ACSS1: variants seen among roughly 807,000 people sequenced by gnomAD.
ACSS1 encodes the protein acyl-CoA synthetase short chain family member 1.
ACSS1 carries 42 observed loss-of-function variants against 75.3 expected under a neutral mutation model. That is an observed-to-expected ratio of 0.56 (90% CI 0.44 to 0.72). ACSS1 has a LOEUF of 0.72. Ranked by LOEUF, ACSS1 falls within the 30% of genes least tolerant of loss-of-function variation. ACSS1 has a pLI of 0.00. For synonymous variants in ACSS1, 380 were observed against 376.8 expected, an observed-to-expected ratio of 1.01 and a Z score of -0.10; for missense variants, 782 against 935.7, an observed-to-expected ratio of 0.84 and a Z score of 2.14.
intron 2 of ACSS1, among the ~76,000 whole-genome samples, chr20:25,036,983 GAAAAAGAAA>G (rs1486651993): frequency 9.4e-5 from 10 of 105,906 alleles, no homozygotes; most frequent in African/African-American, 3.1e-4. Flanking sequence ...AAGAAAGAAA[GAAAAAGAAA>G]GAAAGAAGAA....
Position 25,020,375 on chromosome 20 carries a change from G to A in ACSS1, c.1109-228C>T, listed in dbSNP as rs377601580. On this transcript the variant is annotated intron_variant, in intron 6 of 13. Transcript: ENST00000323482. ...CCAAGCACTCCCCAGATCCATGGGC[G>A]GCACATTCAGGAACAGTCTTCACCA... Among the ~76,000 whole-genome samples the A allele has an allele frequency of 5.9e-4, 90 of 151,732 alleles. 1 individual carries two copies. The South Asian group carries it at 0.018, about 30-fold the overall frequency.
intron 3 of ACSS1, among the ~76,000 whole-genome samples, chr20:25,030,526 G>A (rs543868515): frequency 1.9e-4 from 29 of 152,318 alleles, no homozygotes; most frequent in Middle Eastern, 6.8e-3. Flanking sequence ...TGCCTCTGCT[G>A]TTCCCTCCAA....
rs1482020523 is a variant in ACSS1, at chr20:25,013,484, A to T, written c.1579+52T>A. On this transcript the variant is annotated intron_variant, in intron 10 of 13. Transcript: ENST00000323482. Reference sequence around the variant, plus strand: ...ATTAAAAATGTTTTCTGAGAATAAGATTCCAGCAGTCAGCTGAAAAGGAAT... The same window carrying T: ...ATTAAAAATGTTTTCTGAGAATAAGTTTCCAGCAGTCAGCTGAAAAGGAAT... 3.9e-6 allele frequency: 6 copies of T among 1,545,520 alleles called. No individual in the cohort carries two copies. In the African/African-American group the frequency reaches 5.5e-5, roughly 14 times the overall value.
At chr20:25,014,847 G>A (rs1316098223) in intron 8 of ACSS1, among the ~76,000 whole-genome samples, 2 of 152,338 alleles carry the variant, frequency 1.3e-5, no homozygotes, top group Admixed American at 6.5e-5. Flanking sequence ...GCAGCAAGCT[G>A]AGCTGTGTCA....
chr20:25,030,817 G>T lies in ACSS1; in HGVS notation c.573C>A (p.Val191=), dbSNP rs2122684495. The change falls in exon 3 of 14, where the codon GTC becomes GTA. Residue 191 remains valine, a synonymous_variant. Coordinates refer to ENST00000323482, the MANE Select transcript of ACSS1 (RefSeq NM_032501.4). Reference sequence around the variant, plus strand: ...TGAAGCCAGCAAAGATGACTGTGTGGACAGCTCCGATCCTGGCACAGGCCA... The same window carrying T: ...TGAAGCCAGCAAAGATGACTGTGTGTACAGCTCCGATCCTGGCACAGGCCA... The part of the protein sequence containing the change: ...AMLACARIGA[V]HTVIFAGFSA... 1 of 1,614,228 alleles carries T rather than the reference G, an allele frequency of 6.2e-7. No homozygotes were observed. Among genetic ancestry groups the T allele is most frequent in the Non-Finnish European group, 8.5e-7 (1 of 1,180,044 alleles).
intron 1 of ACSS1, among the ~76,000 whole-genome samples, chr20:25,057,516 G>A (rs2089259491): frequency 6.6e-6 from 1 of 152,196 alleles, no homozygotes; most frequent in African/African-American, 2.4e-5. Context: ...GCAGCGGGGC[G>A]TCCCAAGCGG....
rs1274182488 is a variant in ACSS1, at chr20:25,022,994, C to T, written c.906G>A (p.Lys302=). Residue 302 remains lysine (K), a synonymous_variant, in exon 5 of 14, where the codon AAG becomes AAA. Transcript: ENST00000323482. ...AGCCTGCCTGGGTATGGACGATGCC[C>T]TTGGGCATTCCGGTGCTCCCTGAGG... is the stretch of plus-strand genomic sequence containing the variant. ...LYTSGSTGMP[K]GIVHTQAGYL... is the part of the protein sequence containing the mutation. 1.2e-6 allele frequency: 2 copies of T among 1,614,124 alleles called. No homozygotes were observed. The highest frequency in any genetic ancestry group is 1.7e-6 in the Non-Finnish European group (2 of 1,180,020).
In ACSS1 at chr20:25,007,635, TG is replaced by T; in HGVS notation, c.*126del. On this transcript the variant is annotated 3_prime_UTR_variant, in exon 14 of 14. Coordinates refer to ENST00000323482, the MANE Select transcript of ACSS1 (RefSeq NM_032501.4). Reference sequence around the variant, plus strand: ...AGCCCAGCTTCACGTGAGGGCGGTGTGGGTCATGTGTGGGGTGGGGGCTGCT... The same window carrying T: ...AGCCCAGCTTCACGTGAGGGCGGTGTGGTCATGTGTGGGGTGGGGGCTGCT... The T allele has an allele frequency of 6.6e-7, 1 of 1,514,194 alleles. No individual in the cohort carries two copies. Among genetic ancestry groups the T allele is most frequent in the Non-Finnish European group, 8.8e-7 (1 of 1,138,794 alleles). The allele number at this position is 1,514,194 out of a possible 1,614,324, so 93.8% of individuals were successfully genotyped here.
intron 7 of ACSS1, among the ~76,000 whole-genome samples, chr20:25,016,756 C>G (rs533236439): frequency 6.6e-6 from 1 of 152,368 alleles, no homozygotes; most frequent in African/African-American, 2.4e-5. Context: ...TGTGACCACA[C>G]AAGCCAGGGT....
intron 2 of ACSS1, among the ~76,000 whole-genome samples, chr20:25,035,994 G>C (rs1023646896): frequency 6.6e-6 from 1 of 152,222 alleles, no homozygotes; most frequent in East Asian, 1.9e-4. Flanking sequence ...ACAGTTGCAG[G>C]AAACAGTGGC....
chr20:25,009,248 T>C (rs1194217759), intron 13 of ACSS1, 22 bp downstream of exon 13: 2 of 1,556,448 alleles, frequency 1.3e-6, no homozygotes, highest in Non-Finnish European at 1.8e-6. Flanking sequence ...CACAGCCCCA[T>C]CTTTGTGGGA....
rs746296868 is a variant in ACSS1 at position 25,023,135 on chromosome 20, CCTCT to C, written c.808-47_808-44del. 44 of 1,586,832 alleles carry C rather than the reference CCTCT, an allele frequency of 2.8e-5. 1 individual carries two copies. In the South Asian group the frequency reaches 4.8e-4, roughly 17 times the overall value. ...CAAACAGCCCACCGAGGGCACTCAG[CCTCT>C]CTGAGAGCAGCACTCCCCCTCCGCA... On this transcript the variant is annotated intron_variant, in intron 4 of 13. Transcript: ENST00000323482.
chr20:25,017,564 C>A (rs552880419), intron 7 of ACSS1, among the ~76,000 whole-genome samples: 1 of 152,230 alleles, frequency 6.6e-6, no homozygotes, highest in African/African-American at 2.4e-5. Flanking sequence ...CAGGGCTCTG[C>A]GGCTAGAACC....
chr20:25,012,737 C>A lies in ACSS1; in HGVS notation c.1708-73G>T, dbSNP rs558693268. 251 of 1,613,078 alleles carry A rather than the reference C, an allele frequency of 1.6e-4. No homozygotes were observed. The Admixed American group carries it at 4.2e-3, about 27-fold the overall frequency. On this transcript the variant is annotated intron_variant, in intron 11 of 13. Coordinates refer to ENST00000323482, the MANE Select transcript of ACSS1 (RefSeq NM_032501.4). ...CTAGAAGTGACTCGGGCCAGGGACT[C>A]CCACCCCAACTTGCAGGTCCACAGG...
At chr20:25,052,868 T>C (rs1600353380) in intron 1 of ACSS1, among the ~76,000 whole-genome samples, 1 of 152,182 alleles carries the variant, frequency 6.6e-6, no homozygotes, top group East Asian at 1.9e-4. Flanking sequence ...GGGGCAGGGG[T>C]TTGGTATTTT....
In ACSS1 at chr20:25,006,801, C is replaced by G; in HGVS notation, c.*961G>C. The G allele has an allele frequency of 6.5e-7, 1 of 1,532,214 alleles. No individual in the cohort carries two copies. The highest frequency in any genetic ancestry group is 8.7e-7 in the Non-Finnish European group (1 of 1,144,030). 94.9% of individuals were successfully genotyped at this position (1,532,214 alleles called of 1,614,324 possible). A position where few individuals can be genotyped will look rare whatever the true frequency, so the allele number is the denominator to read the frequency against. ...CATCATTGGACCTCAGTGGTTCTCA[C>G]CGCCCCAACCACAGAGTGAAGGTCA... On this transcript the variant is annotated 3_prime_UTR_variant, in exon 14 of 14. Coordinates refer to ENST00000323482, the MANE Select transcript of ACSS1 (RefSeq NM_032501.4).
Position 25,012,682 on chromosome 20 carries a change from C to T in ACSS1, c.1708-18G>A. The T allele has an allele frequency of 6.2e-7, 1 of 1,614,132 alleles. No individual in the cohort carries two copies. Among genetic ancestry groups the T allele is most frequent in the Non-Finnish European group, 8.5e-7 (1 of 1,180,014 alleles). ...TGGTCGGCCTGTGTACAACAGAGAA[C>T]AAAAGGGCAAAATGTGGCGGCCCCG... On this transcript the variant is annotated intron_variant, in intron 11 of 13. Coordinates refer to ENST00000323482, the MANE Select transcript of ACSS1 (RefSeq NM_032501.4).
At chr20:25,055,839 G>A (rs1355279587) in intron 1 of ACSS1, among the ~76,000 whole-genome samples, 14 of 152,130 alleles carry the variant, frequency 9.2e-5, no homozygotes, top group Middle Eastern at 3.2e-3. Context: ...TCCATCCCAC[G>A]ACTTTCTAGA....
intron 2 of ACSS1, chr20:25,032,397 G>A (rs1357514629): frequency 1.4e-5 from 19 of 1,406,556 alleles, no homozygotes; most frequent in Non-Finnish European, 1.8e-5. Flanking sequence ...TGGAGGAAGT[G>A]GAAGCGATCC....
Sources: allele counts gnomAD v4.1 joint callset (sites outside exome capture counted in the v4.1 genomes callset), GRCh38; gene constraint gnomAD v4.1.1; transcripts MANE v1.5; gene names NCBI Gene and HGNC (gene_info 2026-07-23, HGNC 2026-07-21).